SCD5: variants seen among roughly 807,000 people sequenced by gnomAD.
SCD5 encodes stearoyl-CoA desaturase 5.
A neutral mutation model predicts 30.4 loss-of-function variants in SCD5; 20 were observed. The ratio of observed to expected loss-of-function variants is 0.66; its 90% confidence interval spans 0.46 to 0.96. SCD5 has a LOEUF of 0.96. Among genes scored for constraint, SCD5 ranks in the 40% least tolerant of loss-of-function variants. The pLI is 0.00. For missense variants in SCD5, 381 were observed against 443.3 expected (o/e 0.86, Z 1.26); for synonymous variants, 173 against 176.4 (o/e 0.98, Z 0.16).
chr4:82,763,988 T>C (rs753003012), intron 1 of SCD5, among the ~76,000 whole-genome samples: 3 of 152,234 alleles, frequency 2.0e-5, no homozygotes, highest in African/African-American at 7.2e-5. Flanking sequence ...TGATGTTGCG[T>C]GATGTATCTT....
chr4:82,740,505 T>C (rs1455836893), intron 1 of SCD5, among the ~76,000 whole-genome samples: 1 of 152,186 alleles, frequency 6.6e-6, no homozygotes, highest in Non-Finnish European at 1.5e-5. Context: ...TATAGTGAAG[T>C]TCATTTTCAC....
chr4:82,785,652 T>C (rs1398145593), intron 1 of SCD5, among the ~76,000 whole-genome samples: 1 of 152,322 alleles, frequency 6.6e-6, no homozygotes, highest in African/African-American at 2.4e-5. Context: ...GGTCTTTCCC[T>C]GCTAAAAATG....
intron 3 of SCD5, among the ~76,000 whole-genome samples, chr4:82,671,181 A>C (rs780315470): frequency 6.6e-6 from 1 of 152,204 alleles, no homozygotes; most frequent in Non-Finnish European, 1.5e-5. Flanking sequence ...TTAATTCTCC[A>C]AGAAGACATA....
At chr4:82,767,146 G>A (rs1390716012) in intron 1 of SCD5, among the ~76,000 whole-genome samples, 1 of 152,098 alleles carries the variant, frequency 6.6e-6, no homozygotes, top group Non-Finnish European at 1.5e-5. Context: ...CCCTGACATT[G>A]GGCAGTTTTC....
intron 2 of SCD5, among the ~76,000 whole-genome samples, chr4:82,692,791 T>A (rs936700889): frequency 2.0e-5 from 3 of 152,092 alleles, no homozygotes; most frequent in Non-Finnish European, 4.4e-5. Flanking sequence ...GAAGGCAAAC[T>A]CCAGTCCGCT....
At chr4:82,794,511 T>A (rs1411417939) in intron 1 of SCD5, among the ~76,000 whole-genome samples, 1 of 152,178 alleles carries the variant, frequency 6.6e-6, no homozygotes, top group Non-Finnish European at 1.5e-5. Flanking sequence ...CTGCAAGGCC[T>A]CACTCCCTGC....
intron 2 of SCD5, among the ~76,000 whole-genome samples, chr4:82,695,659 A>C (rs1019827719): frequency 6.6e-6 from 1 of 152,364 alleles, no homozygotes; most frequent in East Asian, 1.9e-4. Flanking sequence ...ATGGGTAACC[A>C]GATTTGTAAC....
At chr4:82,793,804 TG>T (rs1377408480) in intron 1 of SCD5, among the ~76,000 whole-genome samples, 1 of 152,190 alleles carries the variant, frequency 6.6e-6, no homozygotes, top group African/African-American at 2.4e-5. Context: ...GCCATTCAGC[TG>T]GTAAGTAAGT....
chr4:82,780,902 G>A (rs953929067), intron 1 of SCD5, among the ~76,000 whole-genome samples: 1 of 152,218 alleles, frequency 6.6e-6, no homozygotes, highest in African/African-American at 2.4e-5. Flanking sequence ...GCCAAGGGGC[G>A]GCTTTGCTTT....
chr4:82,797,283 G>C (rs1355297031), intron 1 of SCD5, among the ~76,000 whole-genome samples: 6 of 152,236 alleles, frequency 3.9e-5, no homozygotes, highest in Non-Finnish European at 5.9e-5. Flanking sequence ...ACGGGAGCTG[G>C]AAGGGCATCT....
At chr4:82,654,931 C>G (rs187518681) in intron 3 of SCD5, among the ~76,000 whole-genome samples, 10 of 152,308 alleles carry the variant, frequency 6.6e-5, no homozygotes, top group Non-Finnish European at 1.3e-4. Context: ...TTAACATTTA[C>G]TGAGATATAT....
chr4:82,798,016 G>C (rs1722263886), intron 1 of SCD5, among the ~76,000 whole-genome samples: 1 of 149,708 alleles, frequency 6.7e-6, no homozygotes, highest in South Asian at 2.1e-4. Context: ...CAGGACTCCG[G>C]GTCCCCCCCG....
chr4:82,647,474 G>A (rs1727656062), intron 3 of SCD5, among the ~76,000 whole-genome samples: 1 of 152,172 alleles, frequency 6.6e-6, no homozygotes, highest in African/African-American at 2.4e-5. Flanking sequence ...GATTAGATGG[G>A]CTGACGATTT....
chr4:82,676,392 A>G (rs1245287553), intron 3 of SCD5, among the ~76,000 whole-genome samples: 1 of 152,206 alleles, frequency 6.6e-6, no homozygotes, highest in Non-Finnish European at 1.5e-5. Flanking sequence ...CAACATTTGC[A>G]GGTTTCAAGC....
intron 1 of SCD5, among the ~76,000 whole-genome samples, chr4:82,758,475 C>G (rs967796820): frequency 3.3e-5 from 5 of 152,102 alleles, no homozygotes; most frequent in Non-Finnish European, 7.4e-5. Flanking sequence ...CTCATGACAT[C>G]ATTTTAATTT....
intron 1 of SCD5, among the ~76,000 whole-genome samples, chr4:82,762,995 T>C (rs1017428950): frequency 6.6e-5 from 10 of 152,146 alleles, no homozygotes; most frequent in Non-Finnish European, 1.2e-4. Flanking sequence ...GGGCTCTCCA[T>C]GCCTCACTGT....
chr4:82,638,780 G>A (rs1371996632), intron 3 of SCD5, among the ~76,000 whole-genome samples: 6 of 152,216 alleles, frequency 3.9e-5, no homozygotes, highest in African/African-American at 1.2e-4. Context: ...AGAAATTGTA[G>A]TACTACAGGG....
At chr4:82,762,434 G>A (rs989679525) in intron 1 of SCD5, among the ~76,000 whole-genome samples, 6 of 152,082 alleles carry the variant, frequency 3.9e-5, no homozygotes, top group Admixed American at 1.3e-4. Flanking sequence ...GTAAAGACGA[G>A]GTTTCACCAT....
At chr4:82,786,565 C>A (rs1485909598) in intron 1 of SCD5, among the ~76,000 whole-genome samples, 3 of 151,968 alleles carry the variant, frequency 2.0e-5, no homozygotes, top group Non-Finnish European at 4.4e-5. Flanking sequence ...TTTGGGAAGC[C>A]GAGGTGGGCG....
Sources: allele counts gnomAD v4.1 joint callset (sites outside exome capture counted in the v4.1 genomes callset), GRCh38; gene constraint gnomAD v4.1.1; transcripts MANE v1.5; gene names NCBI Gene and HGNC (gene_info 2026-07-23, HGNC 2026-07-21).